Variants in FGD6 observed in about 807,000 individuals in gnomAD.
The protein encoded by FGD6 is FYVE, RhoGEF and PH domain containing 6, also known as FYVE, RhoGEF and PH domain-containing protein 6.
A neutral mutation model predicts 149.4 loss-of-function variants in FGD6; 90 were observed. That is an observed-to-expected ratio of 0.60 (90% CI 0.51 to 0.72). FGD6 has a LOEUF of 0.72. Ranked by LOEUF, FGD6 falls within the 30% of genes least tolerant of loss-of-function variation. The pLI is 0.00. For synonymous variants in FGD6, 527 were observed against 584.0 expected (o/e 0.90, Z 1.41); for missense variants, 1,437 against 1,684.8 (o/e 0.85, Z 2.57).
intron 19 of FGD6, 55 bp downstream of exon 19, chr12:95,085,725 T>A: frequency 1.3e-6 from 2 of 1,544,778 alleles, no homozygotes; most frequent in Non-Finnish European, 1.7e-6. Flanking sequence ...TTGTAATTAC[T>A]TGCAGTTGGC....
At chr12:95,142,720 CT>C (rs1250589232) in intron 5 of FGD6, among the ~76,000 whole-genome samples, 2 of 152,290 alleles carry the variant, frequency 1.3e-5, no homozygotes, top group African/African-American at 4.8e-5. Context: ...GCACATAAAA[CT>C]TTTTTTGCAA....
chr12:95,187,534 T>C (rs1267572927), intron 2 of FGD6, among the ~76,000 whole-genome samples: 2 of 151,194 alleles, frequency 1.3e-5, no homozygotes, highest in Non-Finnish European at 2.9e-5. Flanking sequence ...GCATCTGTAA[T>C]CCCAGCTACT....
At position 95,209,870 on chromosome 12, in the gene FGD6, T is replaced by C. The variant is rs771625986; in HGVS notation, c.1414A>G (p.Asn472Asp). The stretch of plus-strand genomic sequence containing the variant: ...ATTTGAGGGGCAGAAACTCCCAGGT[T>C]TCTCCCAGATTGCAAATGTTCATTG... ...TCNEHLQSGRNLGVSAPQMQK... is the reference protein window; with the variant it reads ...TCNEHLQSGRDLGVSAPQMQK... The change falls in exon 2 of 21, where the codon AAC becomes GAC. Residue 472 changes from asparagine (N) to aspartate (D), a missense_variant. Coordinates refer to ENST00000343958, the MANE Select transcript of FGD6 (RefSeq NM_018351.4). 4.3e-6 allele frequency: 7 copies of C among 1,612,896 alleles called. No individual in the cohort carries two copies. Among genetic ancestry groups the C allele is most frequent in the Non-Finnish European group, 5.9e-6 (7 of 1,179,842 alleles).
Position 95,185,309 on chromosome 12 carries a change from C to T in FGD6, c.2442-12565G>A, listed in dbSNP as rs188351834. Among the ~76,000 whole-genome samples, 312 of 152,242 alleles carry T rather than the reference C, an allele frequency of 2.0e-3. 1 individual carries two copies. Among genetic ancestry groups the T allele is most frequent in the Non-Finnish European group, 3.4e-3 (229 of 68,036 alleles). On this transcript the variant is annotated intron_variant, in intron 2 of 20. Transcript: ENST00000343958. ...TTCTATCAAACTCAGATTACATCTT[C>T]GAAAGCGAGAGTCAGGGAAAATGGA...
intron 2 of FGD6, among the ~76,000 whole-genome samples, chr12:95,192,300 T>G (rs1322717358): frequency 6.6e-6 from 1 of 152,180 alleles, no homozygotes; most frequent in South Asian, 2.1e-4. Flanking sequence ...CAAAATGTTA[T>G]GATAGAATGA....
Position 95,210,494 on chromosome 12 carries a change from T to C in FGD6, c.790A>G (p.Asn264Asp), listed in dbSNP as rs143434217. ...ETCQDDSEKS[N>D]NCFQSSELEA... ...AGTTCAGATGACTGAAAGCAATTAT[T>C]GCTTTTTTCACTGTCATCCTGGCAA... Residue 264 changes from asparagine to aspartate, a missense_variant, in exon 2 of 21, where the codon AAT (asparagine) becomes GAT (aspartate). Asn to Asp is a conservative substitution (Grantham distance 23, BLOSUM62 1). This residue lies in a region of FGD6 where 1,055 missense variants were observed against 1,146.0 expected (regional missense o/e 0.92). Coordinates refer to ENST00000343958, the MANE Select transcript of FGD6 (RefSeq NM_018351.4). 8.5e-4 allele frequency: 1,365 copies of C among 1,614,030 alleles called. 1 individual carries two copies. Among genetic ancestry groups the C allele is most frequent in the Non-Finnish European group, 1.1e-3 (1,295 of 1,180,012 alleles).
chr12:95,215,832 T>C (rs148027994), intron 1 of FGD6, among the ~76,000 whole-genome samples: 1 of 152,294 alleles, frequency 6.6e-6, no homozygotes, highest in African/African-American at 2.4e-5. Context: ...CTGATACATA[T>C]AAGACACGGT....
At chr12:95,088,647 A>G (rs897773177) in intron 18 of FGD6, among the ~76,000 whole-genome samples, 3 of 152,236 alleles carry the variant, frequency 2.0e-5, no homozygotes, top group Admixed American at 2.0e-4. Context: ...TTCTGTCAGC[A>G]TAATTCGTAA....
chr12:95,196,996 G>C (rs944801822), intron 2 of FGD6, among the ~76,000 whole-genome samples: 2 of 152,176 alleles, frequency 1.3e-5, no homozygotes, highest in Non-Finnish European at 2.9e-5. Flanking sequence ...CTTGGAAGTA[G>C]ATTCAGCAAG....
rs770895543 is a variant in FGD6, at chr12:95,209,996, T to C, written c.1288A>G (p.Thr430Ala). The C allele has an allele frequency of 2.5e-6, 4 of 1,613,278 alleles. No individual in the cohort carries two copies. The highest frequency in any genetic ancestry group is 2.7e-5 in the African/African-American group (2 of 74,832). Reference protein sequence around the residue: ...KDSNLSSDSTTVDGSSMSLAV... With the variant: ...KDSNLSSDSTAVDGSSMSLAV... ...AGCGACATACTAGAACCATCTACAG[T>C]TGTGCTGTCAGAACTCAAATTAGAG... Residue 430 changes from threonine to alanine, a missense_variant, in exon 2 of 21, where the codon ACT becomes GCT. By Grantham distance (58) the Thr-to-Ala change is moderately conservative. Coordinates refer to ENST00000343958, the MANE Select transcript of FGD6 (RefSeq NM_018351.4).
chr12:95,209,713 T>G lies in FGD6; in HGVS notation c.1571A>C (p.Tyr524Ser). ...TGAACTTTTTTCTTCACTTGAAGGATAAGAACTTTTTTCCAAAAGCTCCTC... is the reference window on the plus strand; with the variant it reads ...TGAACTTTTTTCTTCACTTGAAGGAGAAGAACTTTTTTCCAAAAGCTCCTC... ...ASEELLEKSSYPSSEEKSSEK... is the reference protein window; with the variant it reads ...ASEELLEKSSSPSSEEKSSEK... Residue 524 changes from tyrosine to serine, a missense_variant, in exon 2 of 21, where the codon TAT becomes TCT. Physicochemically the swap from Tyr to Ser is moderately radical, Grantham distance 144. Coordinates refer to ENST00000343958, the MANE Select transcript of FGD6 (RefSeq NM_018351.4). 6.2e-7 allele frequency: 1 copy of G among 1,614,142 alleles called. No individual in the cohort carries two copies. The highest frequency in any genetic ancestry group is 8.5e-7 in the Non-Finnish European group (1 of 1,180,020).
At chr12:95,152,481 G>A (rs1880341344) in intron 5 of FGD6, among the ~76,000 whole-genome samples, 2 of 152,166 alleles carry the variant, frequency 1.3e-5, no homozygotes, top group African/African-American at 2.4e-5. Flanking sequence ...GTTTCTGGGA[G>A]CTTATTTAGG....
At chr12:95,194,015 C>G (rs1298754478) in intron 2 of FGD6, among the ~76,000 whole-genome samples, 1 of 152,056 alleles carries the variant, frequency 6.6e-6, no homozygotes, top group Non-Finnish European at 1.5e-5. Context: ...CTCACTGGAG[C>G]CTTGACCTCC....
rs1877608854 is a variant in FGD6, at chr12:95,079,691, T to C, written c.*1829A>G. 1 of 152,104 alleles carries C rather than the reference T, an allele frequency of 6.6e-6. No individual in the cohort carries two copies. The highest frequency in any genetic ancestry group is 1.5e-5 in the Non-Finnish European group (1 of 68,010). 9.4% of individuals were successfully genotyped at this position (152,104 alleles called of 1,614,324 possible). A position where few individuals can be genotyped will look rare whatever the true frequency, so the allele number is the denominator to read the frequency against. The stretch of plus-strand genomic sequence containing the variant: ...CTGCTATGACAGAAAGGGGATGGCA[T>C]GTTAGGATTGTGTATGAGGTTCAAA... On this transcript the variant is annotated 3_prime_UTR_variant, in exon 21 of 21. Coordinates refer to ENST00000343958, the MANE Select transcript of FGD6 (RefSeq NM_018351.4).
Position 95,078,227 on chromosome 12 carries a change from T to C in FGD6, c.*3293A>G, listed in dbSNP as rs544078781. The stretch of plus-strand genomic sequence containing the variant: ...TTATGGAAGACAGTGATATATTAAG[T>C]ACAGTATCTGCCTTCAAGGAGTGTG... On this transcript the variant is annotated 3_prime_UTR_variant, in exon 21 of 21. Coordinates refer to ENST00000343958, the MANE Select transcript of FGD6 (RefSeq NM_018351.4). 28 of 152,276 alleles carry C rather than the reference T, an allele frequency of 1.8e-4. No individual in the cohort carries two copies. The highest frequency in any genetic ancestry group is 6.5e-4 in the African/African-American group (27 of 41,556). The allele number at this position is 152,276 out of a possible 1,614,324, so 9.4% of individuals were successfully genotyped here. A position where few individuals can be genotyped will look rare whatever the true frequency, so the allele number is the denominator to read the frequency against.
At chr12:95,106,264 T>C (rs907493943) in intron 13 of FGD6, among the ~76,000 whole-genome samples, 3 of 130,704 alleles carry the variant, frequency 2.3e-5, no homozygotes, top group Non-Finnish European at 4.8e-5. Flanking sequence ...GCCCAGCCTT[T>C]ATTTGGGCTT....
At chr12:95,174,927 CAAAAAA>C (rs10687970) in intron 2 of FGD6, among the ~76,000 whole-genome samples, 3 of 84,684 alleles carry the variant, frequency 3.5e-5, no homozygotes, top group African/African-American at 1.1e-4. Flanking sequence ...ACTCCATCTC[CAAAAAA>C]AAAAAAAAAA....
intron 5 of FGD6, among the ~76,000 whole-genome samples, chr12:95,145,477 G>A (rs1879984688): frequency 1.3e-5 from 2 of 152,018 alleles, no homozygotes; most frequent in South Asian, 2.1e-4. Context: ...ACCCTGGCTG[G>A]TCCGTCTTCA....
In FGD6 at chr12:95,140,900, G is replaced by A. The variant is rs2136262697; in HGVS notation, c.2837+488C>T. Among the ~76,000 whole-genome samples, 4 of 152,236 alleles carry A rather than the reference G, an allele frequency of 2.6e-5. No homozygotes were observed. In the South Asian group the frequency reaches 8.3e-4, roughly 32 times the overall value. ...TTAAAATAATAGTATTGAGCTTGGT[G>A]TGCCAAGGTTGTGAATTTTGGGCCA... On this transcript the variant is annotated intron_variant, in intron 6 of 20. Coordinates refer to ENST00000343958, the MANE Select transcript of FGD6 (RefSeq NM_018351.4).
Sources: gnomAD v4.1 joint callset for allele counts (sites outside exome capture counted in the v4.1 genomes callset) on GRCh38, gnomAD v4.1.1 for gene constraint, gnomAD v4.1.1 regional missense constraint, MANE v1.5 for transcripts, NCBI Gene and HGNC (gene_info 2026-07-23, HGNC 2026-07-21) for gene names.